The following RCOR1 variants were observed in gnomAD, a reference collection of about 807,000 sequenced individuals.
RCOR1 encodes the protein REST corepressor.
In RCOR1, 12 loss-of-function variants were observed where a neutral mutation model predicts 64.0. The observed-to-expected ratio is 0.19, with a 90% CI of 0.12 to 0.30. The LOEUF (loss-of-function observed/expected upper bound fraction) is 0.30, where lower values mean the gene tolerates loss of function less well. Among genes scored for constraint, RCOR1 ranks in the 10% least tolerant of loss-of-function variants. The pLI is 1.00. For synonymous variants in RCOR1, 279 were observed against 227.2 expected, an observed-to-expected ratio of 1.23 and a Z score of -2.05; for missense variants, 502 against 621.2, an observed-to-expected ratio of 0.81 and a Z score of 2.04.
rs1894975165 is a variant in RCOR1, at chr14:102,669,013, A to C, written c.362-12882A>C. Among the ~76,000 whole-genome samples the C allele has an allele frequency of 2.0e-5, 3 of 152,330 alleles. 1 individual carries two copies. The highest frequency in any genetic ancestry group is 6.8e-3 in the Middle Eastern group (2 of 294). ...AGGAAGAGATAAGAGAGAACCAGAC[A>C]GGAGGTATATAGTTTGTAGAAAGAT... On this transcript the variant is annotated intron_variant, in intron 2 of 11. Transcript: ENST00000262241.
chr14:102,597,197 T>C lies in RCOR1; in HGVS notation c.361+3872T>C, dbSNP rs150397753. Among the ~76,000 whole-genome samples the C allele has an allele frequency of 3.5e-3, 539 of 152,174 alleles. 3 individuals carry two copies. Among genetic ancestry groups the C allele is most frequent in the East Asian group, 0.014 (73 of 5,166 alleles). On this transcript the variant is annotated intron_variant, in intron 2 of 11. Transcript: ENST00000262241. ...CCCTACCTCAGTTTTGAGTGTGTCT[T>C]TGTTCTTCTCTTTTACTAGAATTTG... is the stretch of plus-strand genomic sequence containing the variant.
At chr14:102,633,984 G>A (rs984233134) in intron 2 of RCOR1, among the ~76,000 whole-genome samples, 11 of 152,130 alleles carry the variant, frequency 7.2e-5, no homozygotes, top group African/African-American at 2.7e-4. Context: ...CCTCTAAAAT[G>A]TACACATACA....
chr14:102,602,394 C>CTTTTTTTTTTTTTTT (rs66743592), intron 2 of RCOR1, among the ~76,000 whole-genome samples: 18 of 104,232 alleles, frequency 1.7e-4, no homozygotes, highest in South Asian at 3.2e-4. Context: ...CTTTTCTTTT[C>CTTTTTTTTTTTTTTT]TTTTTTTTTT....
At chr14:102,724,141 C>T (rs575497493) in intron 11 of RCOR1, among the ~76,000 whole-genome samples, 1 of 151,996 alleles carries the variant, frequency 6.6e-6, no homozygotes, top group African/African-American at 2.4e-5. Flanking sequence ...GTTATGGCTC[C>T]TCCAAGCAGC....
At chr14:102,681,416 T>C (rs1233065954) in intron 2 of RCOR1, among the ~76,000 whole-genome samples, 2 of 152,234 alleles carry the variant, frequency 1.3e-5, no homozygotes, top group Non-Finnish European at 2.9e-5. Flanking sequence ...GCCTACTATT[T>C]TGCAAAACAG....
intron 2 of RCOR1, among the ~76,000 whole-genome samples, chr14:102,663,409 A>T (rs1312284156): frequency 1.3e-5 from 2 of 152,170 alleles, no homozygotes; most frequent in Non-Finnish European, 2.9e-5. Flanking sequence ...TTTGCAAAGA[A>T]TTTCATATTG....
intron 4 of RCOR1, among the ~76,000 whole-genome samples, 200 bp downstream of exon 4, chr14:102,701,530 A>G (rs556581239): frequency 5.3e-5 from 8 of 152,304 alleles, no homozygotes; most frequent in South Asian, 2.1e-4. Context: ...TTTGAAAGGC[A>G]TATCTGTCAT....
intron 2 of RCOR1, among the ~76,000 whole-genome samples, chr14:102,638,594 C>T (rs1894293822): frequency 6.6e-6 from 1 of 151,998 alleles, no homozygotes; most frequent in African/African-American, 2.4e-5. Flanking sequence ...GAGCTACTGG[C>T]CTTGGTCTTC....
At chr14:102,650,067 G>A (rs140931893) in intron 2 of RCOR1, among the ~76,000 whole-genome samples, 1,586 of 151,850 alleles carry the variant, frequency 0.01, 17 homozygotes, top group Admixed American at 0.015. Flanking sequence ...GTGAGGTGGC[G>A]GGCACCTGTA....
chr14:102,675,814 G>A (rs1010727252), intron 2 of RCOR1, among the ~76,000 whole-genome samples: 4 of 152,152 alleles, frequency 2.6e-5, no homozygotes, highest in African/African-American at 9.7e-5. Flanking sequence ...GGAAACCTTG[G>A]ATCTATTCAT....
intron 4 of RCOR1, among the ~76,000 whole-genome samples, chr14:102,705,587 T>TA (rs1378238671): frequency 1.3e-5 from 2 of 152,110 alleles, no homozygotes; most frequent in African/African-American, 2.4e-5. Context: ...TAGCTGCAGT[T>TA]ACAGGCGCGC....
chr14:102,692,771 T>C (rs1240331509), intron 3 of RCOR1, among the ~76,000 whole-genome samples: 1 of 145,682 alleles, frequency 6.9e-6, no homozygotes, highest in African/African-American at 2.6e-5. Flanking sequence ...TCTTTTTCTT[T>C]TTTTTTTTTT....
In RCOR1 at chr14:102,721,061, A is replaced by G. The variant is rs1566714396; in HGVS notation, c.1108A>G (p.Ile370Val). ...SALKEKLDGGIEPYRLPEVIQ... is the reference protein window; with the variant it reads ...SALKEKLDGGVEPYRLPEVIQ... ...TCTCAAAGAAAAACTTGATGGTGGAATAGAACCATATCGACTTCCAGAGGT... is the reference window on the plus strand; with the variant it reads ...TCTCAAAGAAAAACTTGATGGTGGAGTAGAACCATATCGACTTCCAGAGGT... The change falls in exon 9 of 12, where the codon ATA becomes GTA. Residue 370 changes from isoleucine to valine, a missense_variant. Physicochemically the swap from Ile to Val is conservative, Grantham distance 29. Coordinates refer to ENST00000262241, the MANE Select transcript of RCOR1 (RefSeq NM_015156.4). 1 of 1,577,966 alleles carries G rather than the reference A, an allele frequency of 6.3e-7. No individual in the cohort carries two copies. Among genetic ancestry groups the G allele is most frequent in the South Asian group, 1.2e-5 (1 of 86,536 alleles).
chr14:102,655,445 GC>G, intron 2 of RCOR1: 1 of 984,250 alleles, frequency 1.0e-6, no homozygotes, highest in Non-Finnish European at 1.2e-6. Flanking sequence ...TTTATAATTT[GC>G]TTTTGTTTTT....
At chr14:102,721,439 C>A in intron 10 of RCOR1, 62 bp downstream of exon 10, 3 of 1,276,352 alleles carry the variant, frequency 2.4e-6, no homozygotes, top group East Asian at 2.3e-5. Flanking sequence ...ACCTGTAATC[C>A]CAACATTTTG....
At chr14:102,662,168 G>T in intron 2 of RCOR1, 1 of 410,130 alleles carries the variant, frequency 2.4e-6, no homozygotes, top group Admixed American at 3.0e-5. Flanking sequence ...ACATACTTCT[G>T]CAACTTTTTA....
At chr14:102,704,076 C>G (rs145873161) in intron 4 of RCOR1, among the ~76,000 whole-genome samples, 14 of 152,322 alleles carry the variant, frequency 9.2e-5, no homozygotes, top group Non-Finnish European at 1.6e-4. Flanking sequence ...TCCTCTTATC[C>G]AAGAGAGTTG....
At chr14:102,696,840 A>T (rs1339114329) in intron 3 of RCOR1, among the ~76,000 whole-genome samples, 8 of 92,988 alleles carry the variant, frequency 8.6e-5, no homozygotes, top group South Asian at 3.2e-4. Context: ...TTATAAGGGT[A>T]GCTGGGAACA....
intron 2 of RCOR1, among the ~76,000 whole-genome samples, chr14:102,611,574 A>G (rs766091782): frequency 6.6e-6 from 1 of 152,140 alleles, no homozygotes; most frequent in African/African-American, 2.4e-5. Flanking sequence ...TTCTATAAAT[A>G]TTCTTGAGTT....
Sources: allele counts gnomAD v4.1 joint callset (sites outside exome capture counted in the v4.1 genomes callset), GRCh38; gene constraint gnomAD v4.1.1; transcripts MANE v1.5; gene names NCBI Gene and HGNC (gene_info 2026-07-23, HGNC 2026-07-21).